BABAM2: variants seen among roughly 807,000 people sequenced by gnomAD.
BABAM2 encodes the protein BRISC and BRCA1 A complex member 2.
Under a neutral mutation model 54.7 loss-of-function variants are expected in BABAM2, and 31 were observed. That is an observed-to-expected ratio of 0.57 (90% CI 0.43 to 0.77). BABAM2 has a LOEUF of 0.77. Ranked by LOEUF, BABAM2 falls within the 30% of genes least tolerant of loss-of-function variation. BABAM2 has a pLI of 0.00. For missense variants in BABAM2, 364 were observed against 455.8 expected, an observed-to-expected ratio of 0.80 and a Z score of 1.83; for synonymous variants, 167 against 162.9, an observed-to-expected ratio of 1.03 and a Z score of -0.19.
intron 2 of BABAM2, among the ~76,000 whole-genome samples, chr2:27,918,492 A>G (rs1230916175): frequency 6.6e-6 from 1 of 152,150 alleles, no homozygotes; most frequent in Non-Finnish European, 1.5e-5. Context: ...GTATATATAT[A>G]TAATGTATAG....
intron 7 of BABAM2, among the ~76,000 whole-genome samples, chr2:28,231,697 A>G (rs1283010297): frequency 2.1e-5 from 3 of 145,878 alleles, no homozygotes; most frequent in Non-Finnish European, 4.5e-5. Flanking sequence ...TTTTAGAGTA[A>G]AGTCTCTCTT....
chr2:27,906,939 G>A (rs978964974), intron 2 of BABAM2, among the ~76,000 whole-genome samples: 3 of 152,290 alleles, frequency 2.0e-5, no homozygotes, highest in East Asian at 3.9e-4. Flanking sequence ...TTGGAAGACA[G>A]GTGAGGGTTT....
intron 6 of BABAM2, among the ~76,000 whole-genome samples, chr2:28,102,274 A>G (rs912943990): frequency 2.0e-5 from 3 of 152,222 alleles, no homozygotes; most frequent in Non-Finnish European, 4.4e-5. Context: ...ATACCAGAGA[A>G]AGAATTGGTT....
rs114012175 is a variant in BABAM2 at position 28,304,732 on chromosome 2, C to T, written c.1088+6241C>T. 0.041 allele frequency among the ~76,000 whole-genome samples: 6,248 copies of T among 152,070 alleles called. 211 individuals are homozygous for T. The highest frequency in any genetic ancestry group is 0.065 in the Middle Eastern group (19 of 294). On this transcript the variant is annotated intron_variant, in intron 11 of 11. Coordinates refer to ENST00000379624, the MANE Select transcript of BABAM2 (RefSeq NM_199191.3). This position sits in a 1 kb window ranked among gnomAD's most constrained non-coding sequence, Gnocchi z 4.0. Reference sequence around the variant, plus strand: ...CTGGGACTACAGGCACACGCTGCCACGCCAGGCTAATTTTTTGTATTTTTT... The same window carrying T: ...CTGGGACTACAGGCACACGCTGCCATGCCAGGCTAATTTTTTGTATTTTTT...
At chr2:28,117,021 T>C (rs1181492538) in intron 6 of BABAM2, among the ~76,000 whole-genome samples, 1 of 152,220 alleles carries the variant, frequency 6.6e-6, no homozygotes, top group Non-Finnish European at 1.5e-5. Flanking sequence ...CTCTGATACC[T>C]TTTCCTTCAT....
chr2:28,205,140 T>C (rs556525277), intron 7 of BABAM2, among the ~76,000 whole-genome samples: 16 of 152,200 alleles, frequency 1.1e-4, no homozygotes, highest in African/African-American at 3.9e-4. Context: ...TAAGACACTC[T>C]CCCATTGATA....
At chr2:28,101,017 T>G (rs1317683546) in intron 6 of BABAM2, among the ~76,000 whole-genome samples, 4 of 152,194 alleles carry the variant, frequency 2.6e-5, no homozygotes, top group African/African-American at 9.7e-5. Context: ...TGTCCACAGA[T>G]AGCAGGGAAC....
At chr2:27,975,228 T>A (rs1671505831) in intron 3 of BABAM2, among the ~76,000 whole-genome samples, 1 of 151,944 alleles carries the variant, frequency 6.6e-6, no homozygotes, top group African/African-American at 2.4e-5. Flanking sequence ...CCCAGCAGGA[T>A]TGGGTAGATA....
intron 10 of BABAM2, among the ~76,000 whole-genome samples, chr2:28,273,646 G>A (rs1685629604): frequency 6.6e-6 from 1 of 152,142 alleles, no homozygotes; most frequent in Non-Finnish European, 1.5e-5. Context: ...TTGAACCTGG[G>A]AGGCAGAGGT....
At chr2:28,122,143 G>A (rs910633135) in intron 6 of BABAM2, among the ~76,000 whole-genome samples, 92 of 152,272 alleles carry the variant, frequency 6.0e-4, no homozygotes, top group Non-Finnish European at 7.8e-4. Flanking sequence ...ATGAACCTGG[G>A]AGGTGGAGCT....
intron 10 of BABAM2, among the ~76,000 whole-genome samples, chr2:28,262,387 A>T (rs561702138): frequency 2.6e-5 from 4 of 152,270 alleles, no homozygotes; most frequent in African/African-American, 9.6e-5. Flanking sequence ...TATGTAAAAG[A>T]TGATTTGGGA....
chr2:28,033,166 A>G (rs555118781), intron 5 of BABAM2, among the ~76,000 whole-genome samples: 38 of 152,200 alleles, frequency 2.5e-4, no homozygotes, highest in Admixed American at 5.2e-4. Context: ...ATATATCAAA[A>G]AAAGATACAT....
chr2:28,072,004 T>C (rs1351467877), intron 6 of BABAM2, among the ~76,000 whole-genome samples: 1 of 151,978 alleles, frequency 6.6e-6, no homozygotes, highest in Non-Finnish European at 1.5e-5. Flanking sequence ...AAACTAAACA[T>C]TTTTTTTAAA....
intron 2 of BABAM2, among the ~76,000 whole-genome samples, chr2:27,908,026 A>G (rs1666309641): frequency 6.6e-6 from 1 of 152,206 alleles, no homozygotes; most frequent in African/African-American, 2.4e-5. Context: ...TTTTTTGCGT[A>G]TATACCCAGA....
intron 6 of BABAM2, among the ~76,000 whole-genome samples, chr2:28,083,491 AC>A (rs1250307452): frequency 6.6e-6 from 1 of 152,198 alleles, no homozygotes; most frequent in Admixed American, 6.6e-5. Context: ...GTATGGCTTA[AC>A]AGTAGTTATC....
At chr2:28,328,275 A>C (rs923817135) in intron 11 of BABAM2, among the ~76,000 whole-genome samples, 22 of 152,200 alleles carry the variant, frequency 1.4e-4, no homozygotes, top group Admixed American at 8.5e-4. Flanking sequence ...CACTATTTAC[A>C]GGACTGCTTT....
chr2:28,239,973 A>G (rs1395966191), intron 8 of BABAM2, among the ~76,000 whole-genome samples: 1 of 152,198 alleles, frequency 6.6e-6, no homozygotes, highest in Non-Finnish European at 1.5e-5. Flanking sequence ...TTTCTTGCCA[A>G]AAATGTTCAA....
intron 11 of BABAM2, chr2:28,310,180 AACCTG>A: frequency 1.9e-6 from 3 of 1,605,404 alleles, no homozygotes; most frequent in Non-Finnish European, 2.6e-6. Context: ...TATTTATTAG[AACCTG>A]ACATCTGTTG....
At chr2:27,901,353 T>C (rs1665783523) in intron 2 of BABAM2, among the ~76,000 whole-genome samples, 1 of 152,228 alleles carries the variant, frequency 6.6e-6, no homozygotes, top group Non-Finnish European at 1.5e-5. Flanking sequence ...GAGGGCTCAC[T>C]GCAACCTGTG....
Sources: allele counts gnomAD v4.1 joint callset (sites outside exome capture counted in the v4.1 genomes callset), GRCh38; gene constraint gnomAD v4.1.1; non-coding constraint Gnocchi (gnomAD v3.1); transcripts MANE v1.5; gene names NCBI Gene and HGNC (gene_info 2026-07-23, HGNC 2026-07-21).